Variants in CSMD2 observed in about 807,000 individuals in gnomAD.
CSMD2 encodes the protein CUB and Sushi multiple domains 2.
Under a neutral mutation model 398.5 loss-of-function variants are expected in CSMD2, and 130 were observed. The ratio of observed to expected loss-of-function variants is 0.33; its 90% confidence interval spans 0.28 to 0.38. The LOEUF (loss-of-function observed/expected upper bound fraction) is 0.38, where lower values mean the gene tolerates loss of function less well. CSMD2 is among the 10% of genes least tolerant of loss of function. The pLI, the probability that CSMD2 is intolerant of heterozygous loss-of-function variation, is 1.00. For missense variants in CSMD2, 3,829 were observed against 4,764.9 expected (o/e 0.80, Z 5.78); for synonymous variants, 1,828 against 1,908.5 (o/e 0.96, Z 1.10).
At chr1:33,872,396 G>T (rs1358619439) in intron 5 of CSMD2, among the ~76,000 whole-genome samples, 1 of 152,156 alleles carries the variant, frequency 6.6e-6, no homozygotes, top group Admixed American at 6.5e-5. Context: ...AAAGCTGTGG[G>T]TGTGACTGTG....
intron 3 of CSMD2, among the ~76,000 whole-genome samples, chr1:33,990,314 G>A (rs1646506625): frequency 6.6e-6 from 1 of 152,120 alleles, no homozygotes; most frequent in African/African-American, 2.4e-5. Context: ...GTGATAGGAT[G>A]TAGTAGTAAT....
intron 2 of CSMD2, 28 bp downstream of exon 2, chr1:34,088,949 G>T: frequency 6.3e-7 from 1 of 1,586,422 alleles, no homozygotes; most frequent in Non-Finnish European, 8.6e-7. Context: ...CCAGCTGTTT[G>T]CTACAGGGAA....
rs187628063 is a variant in CSMD2 at position 34,039,990 on chromosome 1, A to T, written c.405-7284T>A. ...CAACATGGTGAAATCCCATCTCTAT[A>T]AAAATGTTTTCAAAAATTTGTCTGA... is the stretch of plus-strand genomic sequence containing the variant. On this transcript the variant is annotated intron_variant, in intron 2 of 70. Coordinates refer to ENST00000373381, the MANE Select transcript of CSMD2 (RefSeq NM_001281956.2). Among the ~76,000 whole-genome samples the T allele has an allele frequency of 3.3e-3, 500 of 152,146 alleles. 2 individuals are homozygous for T. Among genetic ancestry groups the T allele is most frequent in the Middle Eastern group, 0.01 (3 of 292 alleles).
chr1:33,956,722 C>T (rs896028922), intron 3 of CSMD2, among the ~76,000 whole-genome samples: 1 of 152,118 alleles, frequency 6.6e-6, no homozygotes, highest in Non-Finnish European at 1.5e-5. Context: ...GTGGCCCAAG[C>T]CCCAGTCTCC....
At chr1:33,826,516 C>T (rs879040754) in intron 6 of CSMD2, among the ~76,000 whole-genome samples, 1 of 152,240 alleles carries the variant, frequency 6.6e-6, no homozygotes, top group Admixed American at 6.5e-5. Context: ...GCCCAGCCTA[C>T]ATAAGCCAAC....
Position 33,743,326 on chromosome 1 carries a change from C to A in CSMD2, c.2127G>T (p.Gln709His). 6.2e-7 allele frequency: 1 copy of A among 1,613,850 alleles called. No homozygotes were observed. The change falls in exon 14 of 71, where the codon CAG becomes CAT. Residue 709 changes from glutamine to histidine, a missense_variant. Gln to His is a conservative substitution (Grantham distance 24). Around this residue, in one of 5 missense-constraint regions of CSMD2, gnomAD observed 2,001 missense variants for 2,567.1 expected, o/e 0.78. Transcript: ENST00000373381. ...SSGHVARLEF[Q>H]TDHSTGKRGF... Reference sequence around the variant, plus strand: ...CCCTCTTCCCTGTGGAGTGGTCAGTCTGGAACTCGAGACGGGCCACGTGGC... The same window carrying A: ...CCCTCTTCCCTGTGGAGTGGTCAGTATGGAACTCGAGACGGGCCACGTGGC...
At chr1:34,109,567 AGAAAC>A in intron 1 of CSMD2, among the ~76,000 whole-genome samples, 1 of 152,222 alleles carries the variant, frequency 6.6e-6, no homozygotes, top group East Asian at 1.9e-4. Flanking sequence ...GCACAGCAAA[AGAAAC>A]TATCAACAGA....
intron 3 of CSMD2, among the ~76,000 whole-genome samples, chr1:33,992,505 T>G (rs1303181587): frequency 6.6e-6 from 1 of 150,832 alleles, no homozygotes; most frequent in Non-Finnish European, 1.5e-5. Context: ...CGTGAGTCAC[T>G]GCACCCAGCC....
At chr1:34,021,272 G>A (rs1466134424) in intron 3 of CSMD2, among the ~76,000 whole-genome samples, 1 of 152,160 alleles carries the variant, frequency 6.6e-6, no homozygotes, top group Non-Finnish European at 1.5e-5. Context: ...GTGGCAGAAA[G>A]GCATGCATCC....
intron 64 of CSMD2, among the ~76,000 whole-genome samples, chr1:33,528,001 G>A (rs899908677): frequency 2.7e-5 from 4 of 150,440 alleles, no homozygotes; most frequent in South Asian, 2.1e-4. Flanking sequence ...CAGATGCCTC[G>A]CATGAAGGAA....
At chr1:33,648,560 A>G (rs1243299640) in intron 28 of CSMD2, among the ~76,000 whole-genome samples, 1 of 152,156 alleles carries the variant, frequency 6.6e-6, no homozygotes, top group African/African-American at 2.4e-5. Context: ...AGGTCAAGGT[A>G]ATGGGTTTTT....
intron 2 of CSMD2, among the ~76,000 whole-genome samples, chr1:34,033,235 GAAAT>G (rs1650685018): frequency 6.6e-6 from 1 of 152,170 alleles, no homozygotes; most frequent in African/African-American, 2.4e-5. Context: ...ACACAATCTA[GAAAT>G]AATTATTCCT....
At chr1:34,092,117 TG>T (rs1658639390) in intron 1 of CSMD2, among the ~76,000 whole-genome samples, 1 of 152,206 alleles carries the variant, frequency 6.6e-6, no homozygotes, top group African/African-American at 2.4e-5. Flanking sequence ...ATCTTGTTTA[TG>T]GTAACTACAA....
At position 33,642,255 on chromosome 1, in the gene CSMD2, G is replaced by A. The variant is rs188231255; in HGVS notation, c.4774+4393C>T. On this transcript the variant is annotated intron_variant, in intron 29 of 70. Transcript: ENST00000373381. Reference sequence around the variant, plus strand: ...CCAGCTACTCAGGAGGCTAAGGCAAGCGAATCACTTGAACCTGGGAGGTGG... The same window carrying A: ...CCAGCTACTCAGGAGGCTAAGGCAAACGAATCACTTGAACCTGGGAGGTGG... Among the ~76,000 whole-genome samples the A allele has an allele frequency of 5.3e-5, 8 of 150,286 alleles. No individual in the cohort carries two copies. In the East Asian group the frequency reaches 1.6e-3, roughly 30 times the overall value.
At chr1:33,612,146 T>C (rs1051640880) in intron 40 of CSMD2, among the ~76,000 whole-genome samples, 1 of 152,256 alleles carries the variant, frequency 6.6e-6, no homozygotes, top group Non-Finnish European at 1.5e-5. Context: ...AAGGTCCTTG[T>C]CTTCATGAGA....
chr1:33,972,316 T>C (rs903334836), intron 3 of CSMD2, among the ~76,000 whole-genome samples: 5 of 152,224 alleles, frequency 3.3e-5, no homozygotes, highest in African/African-American at 4.8e-5. Flanking sequence ...ATTTATTTGA[T>C]GATTAATTGA....
chr1:33,705,198 G>C (rs760028100), intron 22 of CSMD2, among the ~76,000 whole-genome samples: 18 of 152,122 alleles, frequency 1.2e-4, no homozygotes, highest in Non-Finnish European at 2.5e-4. Flanking sequence ...TGTGGAATTA[G>C]TAAATCAAAC....
chr1:33,956,015 G>T (rs1212863383), intron 3 of CSMD2, among the ~76,000 whole-genome samples: 1 of 152,164 alleles, frequency 6.6e-6, no homozygotes, highest in Non-Finnish European at 1.5e-5. Context: ...GAAGCAGGGT[G>T]ATGCGGCAAT....
At chr1:33,655,134 G>T (rs1557682621) in intron 27 of CSMD2, among the ~76,000 whole-genome samples, 2 of 152,240 alleles carry the variant, frequency 1.3e-5, no homozygotes, top group Non-Finnish European at 2.9e-5. Flanking sequence ...AGATGGGAGT[G>T]GGTGCAAGCT....
Sources: gnomAD v4.1 joint callset for allele counts (sites outside exome capture counted in the v4.1 genomes callset) on GRCh38, gnomAD v4.1.1 for gene constraint, gnomAD v4.1.1 regional missense constraint, MANE v1.5 for transcripts, NCBI Gene and HGNC (gene_info 2026-07-23, HGNC 2026-07-21) for gene names.